Variants in EFCAB6 observed in about 807,000 individuals in gnomAD.
The protein encoded by EFCAB6 is EF-hand calcium-binding domain-containing protein 6.
Under a neutral mutation model 169.8 loss-of-function variants are expected in EFCAB6, and 156 were observed. The ratio of observed to expected loss-of-function variants is 0.92; its 90% CI spans 0.81 to 1.05. The LOEUF is 1.05. Among genes scored for constraint, EFCAB6 ranks in the 50% least tolerant of loss-of-function variants. EFCAB6 has a pLI of 0.00. For synonymous variants in EFCAB6, 698 were observed against 676.4 expected, an observed-to-expected ratio of 1.03 and a Z score of -0.50; for missense variants, 1,800 against 1,829.1, an observed-to-expected ratio of 0.98 and a Z score of 0.29.
intron 10 of EFCAB6, among the ~76,000 whole-genome samples, chr22:43,703,880 T>C (rs1266180460): frequency 1.3e-5 from 2 of 151,710 alleles, no homozygotes; most frequent in Non-Finnish European, 2.9e-5. Context: ...TGGGACACCA[T>C]CAAGGGACCT....
intron 19 of EFCAB6, among the ~76,000 whole-genome samples, chr22:43,630,141 A>T (rs1030789985): frequency 6.6e-6 from 1 of 152,190 alleles, no homozygotes; most frequent in African/African-American, 2.4e-5. Flanking sequence ...TCTACCAAAA[A>T]AATTCAAAAA....
At chr22:43,582,333 T>C (rs2050778763) in intron 24 of EFCAB6, among the ~76,000 whole-genome samples, 1 of 133,120 alleles carries the variant, frequency 7.5e-6, no homozygotes, top group African/African-American at 2.9e-5. Context: ...CCTTCCTTTC[T>C]ATACACATAC....
chr22:43,638,416 C>T (rs1016893608), intron 17 of EFCAB6, among the ~76,000 whole-genome samples: 5 of 152,170 alleles, frequency 3.3e-5, no homozygotes, highest in African/African-American at 7.2e-5. Flanking sequence ...ACCAGATAGT[C>T]GTCACTCCGG....
chr22:43,801,895 G>T (rs139444188), intron 2 of EFCAB6, among the ~76,000 whole-genome samples: 1 of 152,002 alleles, frequency 6.6e-6, no homozygotes, highest in Non-Finnish European at 1.5e-5. Flanking sequence ...TCATTGACTC[G>T]GTTCTCCAAT....
rs1441977946 is a variant in EFCAB6, at chr22:43,779,516, C to T, written c.139+2664G>A. 3.9e-5 allele frequency among the ~76,000 whole-genome samples: 6 copies of T among 152,100 alleles called. No individual in the cohort carries two copies. The East Asian group carries it at 5.8e-4, about 15-fold the overall frequency. On this transcript the variant is annotated intron_variant, in intron 3 of 31. Coordinates refer to ENST00000262726, the MANE Select transcript of EFCAB6 (RefSeq NM_022785.4). ...CAGCACTTTGGGAGGCCGAGGTGGG[C>T]GGATCACAAGGTCAAGAGATCGAGA...
At chr22:43,575,190 T>TTGC (rs1193748987) in intron 26 of EFCAB6, among the ~76,000 whole-genome samples, 9 of 148,868 alleles carry the variant, frequency 6.0e-5, no homozygotes, top group Admixed American at 7.0e-5. Flanking sequence ...GTTGTTGTTG[T>TTGC]TGTTTGTTTG....
chr22:43,672,877 A>G (rs1034008058), intron 13 of EFCAB6, among the ~76,000 whole-genome samples: 86 of 137,698 alleles, frequency 6.2e-4, no homozygotes, highest in African/African-American at 2.1e-3. Flanking sequence ...AACTTAAAAT[A>G]AAAGTTAAAA....
Position 43,690,574 on chromosome 22 carries a change from A to C in EFCAB6, c.1032-2993T>G, listed in dbSNP as rs969709059. On this transcript the variant is annotated intron_variant, in intron 10 of 31. Coordinates refer to ENST00000262726, the MANE Select transcript of EFCAB6 (RefSeq NM_022785.4). ...TTACTCTCTTGCTTAAAATCTTTCC[A>C]TGACTCCCCACTGCTCTTAGGATAG... is the stretch of plus-strand genomic sequence containing the variant. Among the ~76,000 whole-genome samples, 6 of 150,826 alleles carry C rather than the reference A, an allele frequency of 4.0e-5. No homozygotes were observed. The East Asian group carries it at 5.9e-4, about 15-fold the overall frequency.
chr22:43,659,483 A>C (rs934404195), intron 17 of EFCAB6, among the ~76,000 whole-genome samples: 1 of 152,052 alleles, frequency 6.6e-6, no homozygotes, highest in African/African-American at 2.4e-5. Context: ...ATATAGTGAG[A>C]CCTCATCTCT....
intron 2 of EFCAB6, among the ~76,000 whole-genome samples, chr22:43,786,174 C>T (rs536477030): frequency 2.6e-4 from 40 of 151,622 alleles, no homozygotes; most frequent in Non-Finnish European, 5.4e-4. Flanking sequence ...ACCAGCCTAG[C>T]CAACGTGGCG....
chr22:43,605,185 C>G (rs2052821918), intron 22 of EFCAB6, among the ~76,000 whole-genome samples: 1 of 152,228 alleles, frequency 6.6e-6, no homozygotes, highest in African/African-American at 2.4e-5. Context: ...GTCGCTGACT[C>G]TATCCTGCTT....
intron 22 of EFCAB6, among the ~76,000 whole-genome samples, chr22:43,600,539 C>T (rs1443798453): frequency 4.6e-5 from 7 of 152,214 alleles, no homozygotes; most frequent in African/African-American, 1.4e-4. Flanking sequence ...TCACGCCACA[C>T]ATGGCCTGCC....
chr22:43,809,450 T>C (rs2063029153), intron 1 of EFCAB6, among the ~76,000 whole-genome samples: 1 of 152,146 alleles, frequency 6.6e-6, no homozygotes, highest in South Asian at 2.1e-4. Context: ...TTGTAGAGTA[T>C]ATAAGTGTTT....
intron 23 of EFCAB6, among the ~76,000 whole-genome samples, chr22:43,597,673 G>A (rs1317500404): frequency 6.6e-6 from 1 of 152,118 alleles, no homozygotes; most frequent in Non-Finnish European, 1.5e-5. Flanking sequence ...AACACAGTAC[G>A]GCAATTTCCC....
intron 27 of EFCAB6, among the ~76,000 whole-genome samples, chr22:43,543,008 T>G (rs2147090243): frequency 6.6e-6 from 1 of 152,262 alleles, no homozygotes; most frequent in South Asian, 2.1e-4. Flanking sequence ...GTTCCCACTC[T>G]GCTTACGATG....
rs116636004 is a variant in EFCAB6, at chr22:43,574,737, C to T, written c.3420+1560G>A. 6.1e-3 allele frequency among the ~76,000 whole-genome samples: 929 copies of T among 151,912 alleles called. 12 individuals are homozygous for T. The highest frequency in any genetic ancestry group is 0.021 in the African/African-American group (873 of 41,406). On this transcript the variant is annotated intron_variant, in intron 26 of 31. Transcript: ENST00000262726. ...ATGGACCAGCAGAAGGTATTTGCGA[C>T]GCACATGACAACCAAGGGCTTAAAG...
At chr22:43,562,433 A>C (rs1438315135) in intron 26 of EFCAB6, among the ~76,000 whole-genome samples, 1 of 149,704 alleles carries the variant, frequency 6.7e-6, no homozygotes, top group Non-Finnish European at 1.5e-5. Context: ...CAGAATCTAA[A>C]CCCCTGGTTC....
chr22:43,635,257 G>T (rs1181182550), intron 17 of EFCAB6, 41 bp from the exon 18 acceptor site: 1 of 1,427,540 alleles, frequency 7.0e-7, no homozygotes, highest in East Asian at 2.3e-5. Flanking sequence ...GCGTTAGGTG[G>T]TCCGCGGGTC....
chr22:43,591,402 A>G (rs945654347), intron 23 of EFCAB6, among the ~76,000 whole-genome samples: 11 of 150,232 alleles, frequency 7.3e-5, no homozygotes, highest in Admixed American at 4.7e-4. Context: ...GGTTGCAATG[A>G]GCGGAGATCA....
Sources: gnomAD v4.1 joint callset for allele counts (sites outside exome capture counted in the v4.1 genomes callset) on GRCh38, gnomAD v4.1.1 for gene constraint, MANE v1.5 for transcripts, NCBI Gene and HGNC (gene_info 2026-07-23, HGNC 2026-07-21) for gene names.